NRXN3: variants seen among roughly 807,000 people sequenced by gnomAD.
NRXN3 encodes the protein neurexin III.
In NRXN3, 32 loss-of-function variants were observed where a neutral mutation model predicts 137.6. That is an observed-to-expected ratio of 0.23 (90% CI 0.18 to 0.31). The LOEUF is 0.31. Ranked by LOEUF, NRXN3 falls within the 10% of genes least tolerant of loss-of-function variation. NRXN3 has a pLI of 1.00. For synonymous variants in NRXN3, 798 were observed against 784.5 expected (o/e 1.02, Z -0.29); for missense variants, 1,574 against 2,062.5 (o/e 0.76, Z 4.59).
At chr14:78,540,875 G>A (rs193164307) in intron 4 of NRXN3, among the ~76,000 whole-genome samples, 208 of 152,286 alleles carry the variant, frequency 1.4e-3, no homozygotes, top group Non-Finnish European at 2.4e-3. Flanking sequence ...CTTCACTTAT[G>A]AAGCTTAGTT....
chr14:78,598,687 A>G (rs992944061), intron 4 of NRXN3, among the ~76,000 whole-genome samples: 2 of 152,184 alleles, frequency 1.3e-5, no homozygotes, highest in Admixed American at 1.3e-4. Context: ...GCTTTTTAAC[A>G]TTTGGCTTTG....
chr14:79,129,145 T>A (rs2152953569), intron 15 of NRXN3, among the ~76,000 whole-genome samples: 1 of 152,308 alleles, frequency 6.6e-6, no homozygotes, highest in South Asian at 2.1e-4. Flanking sequence ...GATTCATTAA[T>A]TTTTTGGAGG....
chr14:79,306,005 G>A (rs965936242), intron 15 of NRXN3, among the ~76,000 whole-genome samples: 31 of 152,204 alleles, frequency 2.0e-4, no homozygotes, highest in Admixed American at 1.0e-3. Flanking sequence ...AGACAGTTGC[G>A]TTCCAGTGTG....
intron 4 of NRXN3, among the ~76,000 whole-genome samples, chr14:78,334,437 A>C (rs2081217418): frequency 6.6e-6 from 1 of 152,050 alleles, no homozygotes; most frequent in Non-Finnish European, 1.5e-5. Flanking sequence ...CATCTATCTG[A>C]GGTTCATACC....
chr14:79,374,786 CA>C (rs1328419199), intron 15 of NRXN3, among the ~76,000 whole-genome samples: 1 of 152,180 alleles, frequency 6.6e-6, no homozygotes, highest in African/African-American at 2.4e-5. Context: ...ATTTTACCTA[CA>C]ATTCCTATCT....
chr14:79,368,608 T>A (rs73325794), intron 15 of NRXN3, among the ~76,000 whole-genome samples: 3,958 of 152,252 alleles, frequency 0.026, 174 homozygotes, highest in African/African-American at 0.091. Context: ...GGTAATGAGT[T>A]AATTTGTGTA....
chr14:78,397,717 C>T (rs768038599), intron 4 of NRXN3, among the ~76,000 whole-genome samples: 10 of 151,748 alleles, frequency 6.6e-5, no homozygotes, highest in Admixed American at 1.3e-4. Context: ...GATTCTCCTG[C>T]CTCAGCCTCC....
At chr14:79,437,854 C>T (rs1232854773) in intron 15 of NRXN3, among the ~76,000 whole-genome samples, 4 of 152,126 alleles carry the variant, frequency 2.6e-5, no homozygotes, top group Non-Finnish European at 4.4e-5. Context: ...GTCATGCTGT[C>T]CTCAAATGTA....
chr14:78,173,475 G>C (rs944181256), intron 1 of NRXN3, among the ~76,000 whole-genome samples: 5 of 143,674 alleles, frequency 3.5e-5, no homozygotes, highest in Non-Finnish European at 6.4e-5. Context: ...GGAGCGGTCG[G>C]GTTGGCGTCT....
At chr14:78,461,603 C>G (rs997776808) in intron 4 of NRXN3, among the ~76,000 whole-genome samples, 1 of 152,018 alleles carries the variant, frequency 6.6e-6, no homozygotes, top group Admixed American at 6.6e-5. Flanking sequence ...TAGTGTCTGT[C>G]CATCCAACCA....
intron 15 of NRXN3, among the ~76,000 whole-genome samples, chr14:79,197,707 C>A (rs562193652): frequency 1.3e-5 from 2 of 152,270 alleles, no homozygotes; most frequent in Admixed American, 1.3e-4. Context: ...AATTTGAAGG[C>A]TGCTGACTGA....
chr14:78,985,217 T>G lies in NRXN3; in HGVS notation c.3143-2805T>G, dbSNP rs116249615. 5.1e-3 allele frequency among the ~76,000 whole-genome samples: 775 copies of G among 152,328 alleles called. 6 individuals carry two copies. The highest frequency in any genetic ancestry group is 0.018 in the African/African-American group (742 of 41,578). On this transcript the variant is annotated intron_variant, in intron 14 of 20. Transcript: ENST00000335750. Reference sequence around the variant, plus strand: ...AAATCAAGGGTGGTTACAATTCAGATCACCCTAACATTTACTGGAACACTT... The same window carrying G: ...AAATCAAGGGTGGTTACAATTCAGAGCACCCTAACATTTACTGGAACACTT...
intron 10 of NRXN3, among the ~76,000 whole-genome samples, chr14:78,832,591 G>T (rs1273145786): frequency 6.6e-6 from 1 of 151,792 alleles, no homozygotes; most frequent in East Asian, 1.9e-4. Context: ...AGTGGGGAGT[G>T]GGGTAAAGGA....
At chr14:79,347,777 G>A (rs1181338886) in intron 15 of NRXN3, among the ~76,000 whole-genome samples, 2 of 152,090 alleles carry the variant, frequency 1.3e-5, no homozygotes, top group Non-Finnish European at 2.9e-5. Context: ...CAGAAATGCT[G>A]ATAGGAAAAG....
chr14:79,199,108 G>A (rs72627190), intron 15 of NRXN3, among the ~76,000 whole-genome samples: 29,254 of 151,592 alleles, frequency 0.19, 2,939 homozygotes, highest in East Asian at 0.33. Context: ...CAGAGGTTGC[G>A]GTGAGCCAAG....
intron 15 of NRXN3, among the ~76,000 whole-genome samples, chr14:79,198,854 T>C (rs1176360098): frequency 6.6e-6 from 1 of 152,184 alleles, no homozygotes; most frequent in Admixed American, 6.5e-5. Context: ...ACAAGTAATT[T>C]CTGAGTTACT....
chr14:79,336,591 T>C (rs2092276883), intron 15 of NRXN3, among the ~76,000 whole-genome samples: 1 of 152,224 alleles, frequency 6.6e-6, no homozygotes, highest in Non-Finnish European at 1.5e-5. Context: ...TATCTGAAGT[T>C]AATTTGGGCT....
chr14:79,090,460 G>T (rs934902087), intron 15 of NRXN3, among the ~76,000 whole-genome samples: 1 of 152,058 alleles, frequency 6.6e-6, no homozygotes, highest in African/African-American at 2.4e-5. Context: ...CCCTGGGTTT[G>T]TTCTTTCTTT....
chr14:79,843,691 A>G (rs183018422), intron 20 of NRXN3, among the ~76,000 whole-genome samples: 18 of 152,314 alleles, frequency 1.2e-4, no homozygotes, highest in African/African-American at 4.3e-4. Context: ...TCACCAGGAG[A>G]TTACTTCTTA....
Sources: gnomAD v4.1 joint callset for allele counts (sites outside exome capture counted in the v4.1 genomes callset) on GRCh38, gnomAD v4.1.1 for gene constraint, MANE v1.5 for transcripts, NCBI Gene and HGNC (gene_info 2026-07-23, HGNC 2026-07-21) for gene names.